The following TTC39C variants were observed in gnomAD, a reference collection of about 807,000 sequenced individuals.
The protein encoded by TTC39C is tetratricopeptide repeat domain 39C.
A neutral mutation model predicts 76.3 loss-of-function variants in TTC39C; 33 were observed. The ratio of observed to expected loss-of-function variants is 0.43; its 90% CI spans 0.33 to 0.58. TTC39C has a LOEUF of 0.58. TTC39C is among the 20% of genes least tolerant of loss of function. The pLI is 0.04. For synonymous variants in TTC39C, 254 were observed against 260.6 expected (o/e 0.97, Z 0.24); for missense variants, 595 against 701.4 (o/e 0.85, Z 1.71).
chr18:24,045,902 T>TATATATATATATATGTATATGTAC (rs1483949781), intron 1 of TTC39C, among the ~76,000 whole-genome samples: 42 of 38,508 alleles, frequency 1.1e-3, no homozygotes, highest in African/African-American at 6.0e-3. Flanking sequence ...AATATATATA[T>TATATATATATATATGTATATGTAC]ATATATATAT....
At chr18:24,023,994 A>T (rs1468158379) in intron 1 of TTC39C, among the ~76,000 whole-genome samples, 7 of 4,034 alleles carry the variant, frequency 1.7e-3, no homozygotes, top group South Asian at 0.018. Context: ...ATATATATAT[A>T]TATATATATA....
At chr18:24,054,828 G>A (rs1430296977) in intron 1 of TTC39C, among the ~76,000 whole-genome samples, 1 of 152,084 alleles carries the variant, frequency 6.6e-6, no homozygotes, top group Non-Finnish European at 1.5e-5. Flanking sequence ...TTGTTTTGCA[G>A]CCAATCTGCA....
chr18:23,994,253 T>C (rs1367808230), intron 1 of TTC39C: 2 of 151,916 alleles, frequency 1.3e-5, no homozygotes, highest in Non-Finnish European at 2.9e-5. Context: ...TGCCACGGTT[T>C]TTGTTTAAAA....
intron 6 of TTC39C, chr18:24,113,784 A>G: frequency 1.5e-6 from 1 of 678,188 alleles, no homozygotes. Context: ...ACCCTGAGTG[A>G]CATCTTCAGC....
At chr18:24,087,045 T>C (rs535340897) in intron 6 of TTC39C, among the ~76,000 whole-genome samples, 1 of 152,212 alleles carries the variant, frequency 6.6e-6, no homozygotes, top group Admixed American at 6.5e-5. Context: ...TACAGCTGTT[T>C]ACTTATCCCT....
intron 1 of TTC39C, among the ~76,000 whole-genome samples, chr18:24,022,205 C>G (rs1218673590): frequency 2.6e-5 from 4 of 152,142 alleles, no homozygotes; most frequent in African/African-American, 9.7e-5. Flanking sequence ...CGCCGGGGGT[C>G]CTGGAACCAA....
intron 1 of TTC39C, among the ~76,000 whole-genome samples, chr18:24,004,806 C>T (rs2083340154): frequency 6.6e-6 from 1 of 152,142 alleles, no homozygotes. Flanking sequence ...GGTAACAAAT[C>T]AGGCAATGTA....
intron 7 of TTC39C, among the ~76,000 whole-genome samples, chr18:24,116,677 A>G (rs1056346074): frequency 2.6e-5 from 4 of 152,176 alleles, no homozygotes; most frequent in Non-Finnish European, 5.9e-5. Flanking sequence ...CTCAGTTTAC[A>G]CAATTACTTA....
chr18:24,126,113 G>A (rs920065791), intron 10 of TTC39C, among the ~76,000 whole-genome samples: 8 of 152,126 alleles, frequency 5.3e-5, no homozygotes, highest in African/African-American at 1.9e-4. Flanking sequence ...CTTGAGCCCA[G>A]GATATCGAGG....
At chr18:23,994,589 C>A (rs993641896) in intron 1 of TTC39C, 1 of 151,044 alleles carries the variant, frequency 6.6e-6, no homozygotes, top group African/African-American at 2.4e-5. Context: ...CTGAATGGTA[C>A]TTACGTTCCT....
chr18:24,091,317 C>T (rs527508754), intron 6 of TTC39C, among the ~76,000 whole-genome samples: 4 of 152,298 alleles, frequency 2.6e-5, no homozygotes, highest in African/African-American at 9.6e-5. Context: ...TAGTGCACAT[C>T]TGTAGGCCCA....
Position 24,134,257 on chromosome 18 carries a change from G to GTTGTTTTTTTTTTTTTTTTTTT in TTC39C, c.*1685_*1686insGTTTTTTTTTTTTTTTTTTTTT, listed in dbSNP as rs1555779358. 2 of 48,688 alleles carry GTTGTTTTTTTTTTTTTTTTTTT rather than the reference G, an allele frequency of 4.1e-5. 1 individual carries two copies. The highest frequency in any genetic ancestry group is 1.2e-4 in the African/African-American group (2 of 16,714). 3.0% of individuals were successfully genotyped at this position (48,688 alleles called of 1,614,324 possible). ...TGGTGCCCAAAAATATTGGACATCT[G>GTTGTTTTTTTTTTTTTTTTTTT]TTTTTTGTTTTTTTTTTTTTTTTTT... On this transcript the variant is annotated 3_prime_UTR_variant, in exon 14 of 14. Coordinates refer to ENST00000317571, the MANE Select transcript of TTC39C (RefSeq NM_001135993.2).
chr18:24,104,543 C>T lies in TTC39C; in HGVS notation c.985-10011C>T, dbSNP rs567159659. On this transcript the variant is annotated intron_variant, in intron 6 of 13. Coordinates refer to ENST00000317571, the MANE Select transcript of TTC39C (RefSeq NM_001135993.2). ...CAGAGACTTCTCTCAGGACACTCTA[C>T]GTGAAGGGGTTTCCTTATTTGTTTA... Among the ~76,000 whole-genome samples, 73 of 152,284 alleles carry T rather than the reference C, an allele frequency of 4.8e-4. No individual in the cohort carries two copies. The Middle Eastern group carries it at 0.014, about 28-fold the overall frequency.
At position 24,132,735 on chromosome 18, in the gene TTC39C, T is replaced by C; in HGVS notation, c.*161T>C. On this transcript the variant is annotated 3_prime_UTR_variant, in exon 14 of 14. Transcript: ENST00000317571. ...GCTGACATATTAAAGATCTCCTCTT[T>C]TAAACATGTAGCTGAAAAGTAATAA... is the stretch of plus-strand genomic sequence containing the variant. The C allele has an allele frequency of 1.9e-6, 1 of 523,970 alleles. No homozygotes were observed. Among genetic ancestry groups the C allele is most frequent in the Non-Finnish European group, 3.3e-6 (1 of 301,618 alleles). 32.5% of individuals were successfully genotyped at this position (523,970 alleles called of 1,614,324 possible).
rs541393941 is a variant in TTC39C, at chr18:24,087,014, C to T, written c.984+3933C>T. Reference sequence around the variant, plus strand: ...TTGGCAAAATTGGTTATGGGTGTAGCTATAGGAGATGTATGTACTATACAG... The same window carrying T: ...TTGGCAAAATTGGTTATGGGTGTAGTTATAGGAGATGTATGTACTATACAG... On this transcript the variant is annotated intron_variant, in intron 6 of 13. Transcript: ENST00000317571. 9.2e-5 allele frequency among the ~76,000 whole-genome samples: 14 copies of T among 151,946 alleles called. No homozygotes were observed. The South Asian group carries it at 1.2e-3, about 14-fold the overall frequency.
intron 1 of TTC39C, among the ~76,000 whole-genome samples, chr18:24,040,883 TG>T (rs200500515): frequency 6.6e-6 from 1 of 152,094 alleles, no homozygotes; most frequent in Non-Finnish European, 1.5e-5. Flanking sequence ...ACTGTATTTT[TG>T]GGGGGGCTAT....
chr18:24,096,278 A>G (rs531567549), intron 6 of TTC39C, among the ~76,000 whole-genome samples: 13 of 152,292 alleles, frequency 8.5e-5, no homozygotes, highest in African/African-American at 3.1e-4. Flanking sequence ...AGTGCAATAA[A>G]ATGAGGCATG....
At chr18:24,111,057 C>T (rs983643001) in intron 6 of TTC39C, among the ~76,000 whole-genome samples, 1 of 151,254 alleles carries the variant, frequency 6.6e-6, no homozygotes, top group Non-Finnish European at 1.5e-5. Context: ...GTGGCACGAT[C>T]TTGGCTCACT....
chr18:24,114,616 A>G lies in TTC39C; in HGVS notation c.1047A>G (p.Arg349=), dbSNP rs771786555. The stretch of plus-strand genomic sequence containing the variant: ...CTTTGGAACTTGCAGTAGACCAGAG[A>G]GAAATTCAACATGTCTGTCTGTATG... The part of the protein sequence containing the change: ...HTALELAVDQ[R]EIQHVCLYEI... The change falls in exon 7 of 14, where the codon AGA becomes AGG. Residue 349 remains arginine, a synonymous_variant. Coordinates refer to ENST00000317571, the MANE Select transcript of TTC39C (RefSeq NM_001135993.2). 6.2e-7 allele frequency: 1 copy of G among 1,613,966 alleles called. No individual in the cohort carries two copies. The highest frequency in any genetic ancestry group is 1.1e-5 in the South Asian group (1 of 91,072).
Sources: allele counts gnomAD v4.1 joint callset (sites outside exome capture counted in the v4.1 genomes callset), GRCh38; gene constraint gnomAD v4.1.1; transcripts MANE v1.5; gene names NCBI Gene and HGNC (gene_info 2026-07-23, HGNC 2026-07-21).